SYNPO: variants seen among roughly 807,000 people sequenced by gnomAD.
The protein encoded by SYNPO is synaptopodin.
In SYNPO, 19 loss-of-function variants were observed where a neutral mutation model predicts 49.5. That is an observed-to-expected ratio of 0.38 (90% CI 0.27 to 0.56). The LOEUF is 0.56. Ranked by LOEUF, SYNPO falls within the 20% of genes least tolerant of loss-of-function variation. The pLI is 0.68. For missense variants in SYNPO, 1,131 were observed against 1,248.3 expected (o/e 0.91, Z 1.42); for synonymous variants, 536 against 548.0 (o/e 0.98, Z 0.31).
rs1438061018 is a variant in SYNPO, at chr5:150,658,996, A to G, written c.*1909A>G. 1 of 152,340 alleles carries G rather than the reference A, an allele frequency of 6.6e-6. No homozygotes were observed. The highest frequency in any genetic ancestry group is 2.1e-4 in the South Asian group (1 of 4,832). 9.4% of individuals were successfully genotyped at this position (152,340 alleles called of 1,614,324 possible). On this transcript the variant is annotated 3_prime_UTR_variant, in exon 3 of 3. Transcript: ENST00000307662. ...CCATCAGGCCTCTGGCTGAGGCAGT[A>G]GCATAGAGGATCCATTTCTACCTGC...
chr5:150,595,528 CA>C, the SYNPO span, among the ~76,000 whole-genome samples: 52 of 152,234 alleles, frequency 3.4e-4, no homozygotes, highest in African/African-American at 1.2e-3. Context: ...AGTCAGGGGA[CA>C]GGGGAGAGAG....
At chr5:150,608,748 C>A (rs1383438292) in intron 1 of SYNPO, among the ~76,000 whole-genome samples, 1 of 152,116 alleles carries the variant, frequency 6.6e-6, no homozygotes, top group Non-Finnish European at 1.5e-5. Flanking sequence ...AGGTCCTACC[C>A]CCAGAAGCTG....
At chr5:150,624,674 G>C (rs1294521765) in intron 2 of SYNPO, 4 of 228,340 alleles carry the variant, frequency 1.8e-5, no homozygotes, top group East Asian at 1.8e-4. Flanking sequence ...GCAGGAGCAC[G>C]GCTCACCCGC....
chr5:150,611,815 A>G (rs1043738219), intron 1 of SYNPO, among the ~76,000 whole-genome samples: 1 of 152,198 alleles, frequency 6.6e-6, no homozygotes, highest in African/African-American at 2.4e-5. Context: ...AAACACTGGA[A>G]ATGGGCAAGG....
At chr5:150,611,532 C>G (rs549889589) in intron 1 of SYNPO, among the ~76,000 whole-genome samples, 1 of 152,190 alleles carries the variant, frequency 6.6e-6, no homozygotes, top group African/African-American at 2.4e-5. Context: ...GGCTGGTTTC[C>G]TATGGCTCCT....
rs114630258 is a variant in SYNPO at position 150,613,268 on chromosome 5, C to T, written c.-265-4835C>T. Reference sequence around the variant, plus strand: ...CATTTCCCCCAACCGTGTAGGGCTGCCCACCCCCCTACTTTGTCTCTCCAG... The same window carrying T: ...CATTTCCCCCAACCGTGTAGGGCTGTCCACCCCCCTACTTTGTCTCTCCAG... On this transcript the variant is annotated intron_variant, in intron 1 of 2. Coordinates refer to the SYNPO transcript ENST00000394243. Among the ~76,000 whole-genome samples, 605 of 152,156 alleles carry T rather than the reference C, an allele frequency of 4.0e-3. 4 individuals are homozygous for T. Among genetic ancestry groups the T allele is most frequent in the African/African-American group, 0.014 (578 of 41,524 alleles).
chr5:150,614,433 T>C (rs1756930550), intron 1 of SYNPO: 1 of 152,246 alleles, frequency 6.6e-6, no homozygotes, highest in Non-Finnish European at 1.5e-5. Flanking sequence ...TGGGGGCCCC[T>C]GCTTGGACTC....
intron 1 of SYNPO, among the ~76,000 whole-genome samples, chr5:150,646,280 A>C (rs1310744102): frequency 6.6e-6 from 1 of 152,050 alleles, no homozygotes; most frequent in African/African-American, 2.4e-5. Context: ...TTGAGGCTGC[A>C]GTGAGCTATG....
chr5:150,650,630 C>T, intron 2 of SYNPO: 2 of 1,444,798 alleles, frequency 1.4e-6, no homozygotes, highest in East Asian at 2.5e-5. Context: ...ATCCTCTGGC[C>T]TTTGTGAGCT....
chr5:150,587,427 A>G, the SYNPO span, among the ~76,000 whole-genome samples: 1 of 152,210 alleles, frequency 6.6e-6, no homozygotes, highest in Non-Finnish European at 1.5e-5. Flanking sequence ...GGTGAGTGGC[A>G]GGATGAACGA....
At chr5:150,591,074 G>A in the SYNPO span, among the ~76,000 whole-genome samples, 1 of 152,162 alleles carries the variant, frequency 6.6e-6, no homozygotes, top group Non-Finnish European at 1.5e-5. Flanking sequence ...CTGGGATGGG[G>A]GCACTAATGG....
intron 1 of SYNPO, among the ~76,000 whole-genome samples, chr5:150,611,360 C>T (rs561218907): frequency 6.6e-6 from 1 of 152,338 alleles, no homozygotes; most frequent in African/African-American, 2.4e-5. Flanking sequence ...ATGACTGAGT[C>T]TCCATTCTAC....
At chr5:150,617,166 C>A (rs1757003362) in intron 1 of SYNPO, among the ~76,000 whole-genome samples, 1 of 152,110 alleles carries the variant, frequency 6.6e-6, no homozygotes, top group Admixed American at 6.5e-5. Context: ...ATTACAATAC[C>A]CATTTTACAG....
At chr5:150,627,986 CT>C (rs1181819690) in intron 2 of SYNPO, among the ~76,000 whole-genome samples, 1 of 151,318 alleles carries the variant, frequency 6.6e-6, no homozygotes, top group African/African-American at 2.4e-5. Context: ...CAAAGTGGCT[CT>C]GCTAAGTTAG....
chr5:150,651,771 G>A, intron 2 of SYNPO: 1 of 1,000,400 alleles, frequency 1.0e-6, no homozygotes, highest in South Asian at 4.7e-5. Context: ...GTGTCTGTAG[G>A]TCTCAGTTTC....
chr5:150,647,244 C>CAAAAAAAAAAAAAAAAAAAAAAAAA (rs34332479), intron 1 of SYNPO, among the ~76,000 whole-genome samples: 1 of 85,666 alleles, frequency 1.2e-5, no homozygotes, highest in Non-Finnish European at 2.8e-5. Flanking sequence ...AACTCCTTCT[C>CAAAAAAAAAAAAAAAAAAAAAAAAA]AAAAAAAAAA....
intron 2 of SYNPO, chr5:150,650,563 C>G: frequency 6.9e-7 from 1 of 1,459,430 alleles, no homozygotes. Flanking sequence ...CATGTCTGAG[C>G]GGGGAGGAGG....
At chr5:150,647,199 C>T (rs1156369342) in intron 1 of SYNPO, among the ~76,000 whole-genome samples, 6 of 151,160 alleles carry the variant, frequency 4.0e-5, no homozygotes, top group Non-Finnish European at 7.4e-5. Context: ...GCCGAGATTG[C>T]GCCGCTGCGC....
chr5:150,607,031 T>A (rs1358071740), intron 1 of SYNPO, among the ~76,000 whole-genome samples: 1 of 146,708 alleles, frequency 6.8e-6, no homozygotes, highest in African/African-American at 2.5e-5. Flanking sequence ...CATCCTACAT[T>A]GGGGGGAGGG....
Sources: gnomAD v4.1 joint callset for allele counts (sites outside exome capture counted in the v4.1 genomes callset) on GRCh38, gnomAD v4.1.1 for gene constraint, MANE v1.5 for transcripts, NCBI Gene and HGNC (gene_info 2026-07-23, HGNC 2026-07-21) for gene names.